The following SEM1 variants were observed in gnomAD, a reference collection of about 807,000 sequenced individuals.
SEM1 encodes the protein SEM1 26S proteasome subunit.
SEM1 carries 3 observed loss-of-function variants against 12.7 expected under a neutral mutation model. The observed-to-expected ratio is 0.24, with a 90% confidence interval of 0.11 to 0.61. The LOEUF (loss-of-function observed/expected upper bound fraction) is 0.61. SEM1 is among the 20% of genes least tolerant of loss of function. SEM1 has a pLI of 0.88. For synonymous variants in SEM1, 30 were observed against 27.8 expected (o/e 1.08, Z -0.25); for missense variants, 59 against 81.3 (o/e 0.73, Z 1.06).
intron 2 of SEM1, among the ~76,000 whole-genome samples, chr7:96,522,364 T>C (rs548843879): frequency 2.0e-5 from 3 of 152,240 alleles, no homozygotes; most frequent in East Asian, 1.9e-4. Flanking sequence ...CTTCTCCTAT[T>C]TGGCAGTTTG....
Position 96,597,850 on chromosome 7 carries a change from G to A in SEM1, c.171-91152C>T, listed in dbSNP as rs182561407. Among the ~76,000 whole-genome samples, 110 of 151,974 alleles carry A rather than the reference G, an allele frequency of 7.2e-4. No homozygotes were observed. The South Asian group carries it at 0.013, about 18-fold the overall frequency. On this transcript the variant is annotated intron_variant and NMD_transcript_variant, in intron 2 of 3. Transcript: ENST00000466986. Reference sequence around the variant, plus strand: ...TGCCCTAAATATTGTTATTGGTTTCGTGTGTGTTTTTCTTATATTTCTTTT... The same window carrying A: ...TGCCCTAAATATTGTTATTGGTTTCATGTGTGTTTTTCTTATATTTCTTTT...
At chr7:96,522,062 C>G (rs541848029) in intron 2 of SEM1, among the ~76,000 whole-genome samples, 24 of 152,202 alleles carry the variant, frequency 1.6e-4, no homozygotes, top group South Asian at 8.3e-4. Flanking sequence ...TGTTTCCCCT[C>G]TTTTCAAAAT....
chr7:96,625,449 G>A (rs530688878), intron 2 of SEM1, among the ~76,000 whole-genome samples: 4 of 152,248 alleles, frequency 2.6e-5, no homozygotes, highest in Non-Finnish European at 5.9e-5. Flanking sequence ...CATCCCTGCA[G>A]GGACATGTGG....
intron 2 of SEM1, among the ~76,000 whole-genome samples, chr7:96,570,119 T>G (rs1805973127): frequency 6.6e-6 from 1 of 152,076 alleles, no homozygotes; most frequent in African/African-American, 2.4e-5. Flanking sequence ...CCATAAAGAC[T>G]GTACTAATCT....
chr7:96,573,643 T>C, intron 2 of SEM1, among the ~76,000 whole-genome samples: 1 of 152,212 alleles, frequency 6.6e-6, no homozygotes, highest in East Asian at 1.9e-4. Flanking sequence ...CTGCTGTTAG[T>C]CTGATGGGCT....
chr7:96,555,232 A>G (rs1357612852), intron 2 of SEM1, among the ~76,000 whole-genome samples: 1 of 152,008 alleles, frequency 6.6e-6, no homozygotes, highest in African/African-American at 2.4e-5. Context: ...GCCTTCTGCT[A>G]TCTTTTGAAT....
intron 2 of SEM1, among the ~76,000 whole-genome samples, chr7:96,590,783 T>C (rs527738162): frequency 6.6e-6 from 1 of 152,294 alleles, no homozygotes. Context: ...AGATTCGCCA[T>C]TGAGGAAGTG....
At chr7:96,705,734 G>A (rs1790436237) in intron 1 of SEM1, among the ~76,000 whole-genome samples, 1 of 151,674 alleles carries the variant, frequency 6.6e-6, no homozygotes, top group South Asian at 2.1e-4. Context: ...GCAGGAGAAT[G>A]GTGTGAACCC....
intron 2 of SEM1, among the ~76,000 whole-genome samples, chr7:96,551,435 C>T (rs945594134): frequency 1.6e-4 from 25 of 152,120 alleles, no homozygotes; most frequent in African/African-American, 5.6e-4. Flanking sequence ...TGCAGTGGCT[C>T]ATACTTGTAA....
intron 2 of SEM1, among the ~76,000 whole-genome samples, chr7:96,583,400 T>C (rs981975776): frequency 1.3e-4 from 19 of 143,128 alleles, no homozygotes; most frequent in African/African-American, 4.6e-4. Flanking sequence ...AAGTATGTGG[T>C]CAATTTTGGA....
At chr7:96,670,155 T>G (rs1174486924), downstream of SEM1, among the ~76,000 whole-genome samples, 2 of 152,204 alleles carry the variant, frequency 1.3e-5, no homozygotes, top group Admixed American at 1.3e-4. Flanking sequence ...AATAATAAAA[T>G]CTACAATTTT....
intron 3 of SEM1, among the ~76,000 whole-genome samples, chr7:96,504,909 C>T (rs1336123120): frequency 5.9e-5 from 9 of 151,580 alleles, no homozygotes; most frequent in Admixed American, 2.6e-4. Context: ...ATAGAATCTC[C>T]TTGAGTTGGG....
Position 96,674,432 on chromosome 7 carries a change from G to C in SEM1, c.171-573C>G, listed in dbSNP as rs535447732. On this transcript the variant is annotated intron_variant, in intron 2 of 2. Coordinates refer to the SEM1 transcript ENST00000413065. ...GCTTTAAGAGGCCTAGGCAAGAGGGGGATCACTTGAACCTAGGAGTTAGAG... is the reference window on the plus strand; with the variant it reads ...GCTTTAAGAGGCCTAGGCAAGAGGGCGATCACTTGAACCTAGGAGTTAGAG... Among the ~76,000 whole-genome samples, 5 of 152,138 alleles carry C rather than the reference G, an allele frequency of 3.3e-5. No homozygotes were observed. In the East Asian group the frequency reaches 9.7e-4, roughly 29 times the overall value.
intron 2 of SEM1, among the ~76,000 whole-genome samples, chr7:96,682,694 C>G (rs1178995390): frequency 6.6e-6 from 1 of 152,000 alleles, no homozygotes; most frequent in African/African-American, 2.4e-5. Context: ...AACCAAAGAG[C>G]TTCTGCACAG....
chr7:96,607,448 C>T (rs1739363310), intron 2 of SEM1, among the ~76,000 whole-genome samples: 1 of 152,170 alleles, frequency 6.6e-6, no homozygotes, highest in Non-Finnish European at 1.5e-5. Context: ...ATAGACTGTT[C>T]ACTCTTTTTG....
intron 1 of SEM1, among the ~76,000 whole-genome samples, chr7:96,699,153 G>A (rs1012786854): frequency 7.2e-5 from 11 of 152,038 alleles, no homozygotes; most frequent in African/African-American, 2.7e-4. Flanking sequence ...AGACACGCAT[G>A]GGCAAAATCA....
chr7:96,551,350 A>G (rs1333558557), intron 2 of SEM1, among the ~76,000 whole-genome samples: 1 of 152,142 alleles, frequency 6.6e-6, no homozygotes, highest in African/African-American at 2.4e-5. Flanking sequence ...TTCTCAAGAC[A>G]AGATAATTCT....
chr7:96,616,049 G>A (rs959894667), intron 2 of SEM1, among the ~76,000 whole-genome samples: 8 of 152,052 alleles, frequency 5.3e-5, no homozygotes, highest in Non-Finnish European at 1.2e-4. Flanking sequence ...TTCCCATTGA[G>A]TATATACCTA....
chr7:96,660,834 G>A (rs1057492094), intron 2 of SEM1, among the ~76,000 whole-genome samples: 6 of 151,794 alleles, frequency 4.0e-5, no homozygotes, highest in Admixed American at 1.3e-4. Flanking sequence ...AAGAAATTTC[G>A]AACAAATGGA....
Sources: allele counts gnomAD v4.1 joint callset (sites outside exome capture counted in the v4.1 genomes callset), GRCh38; gene constraint gnomAD v4.1.1; transcripts MANE v1.5; gene names NCBI Gene and HGNC (gene_info 2026-07-23, HGNC 2026-07-21).